Variants in SEMA3C observed in about 807,000 individuals in gnomAD.
SEMA3C encodes the protein semaphorin 3C, also known as semaphorin-3C.
A neutral mutation model predicts 89.4 loss-of-function variants in SEMA3C; 47 were observed. The observed-to-expected ratio is 0.53, with a 90% CI of 0.42 to 0.67. The LOEUF (loss-of-function observed/expected upper bound fraction) is 0.67. SEMA3C is among the 30% of genes least tolerant of loss of function. SEMA3C has a pLI of 0.00. For missense variants in SEMA3C, 839 were observed against 929.1 expected, an observed-to-expected ratio of 0.90 and a Z score of 1.26; for synonymous variants, 310 against 320.2, an observed-to-expected ratio of 0.97 and a Z score of 0.34.
chr7:80,772,696 ATG>A (rs1335076726), intron 12 of SEMA3C, among the ~76,000 whole-genome samples: 3 of 150,456 alleles, frequency 2.0e-5, no homozygotes, highest in African/African-American at 7.5e-5. Flanking sequence ...TAGGTTAAAC[ATG>A]TTTTTTTTTT....
intron 2 of SEMA3C, among the ~76,000 whole-genome samples, chr7:80,876,897 T>C (rs1791215701): frequency 1.3e-5 from 2 of 152,178 alleles, no homozygotes; most frequent in Admixed American, 6.6e-5. Context: ...TTCTCTGCTC[T>C]TTCCATCACT....
intron 15 of SEMA3C, among the ~76,000 whole-genome samples, chr7:80,757,573 C>A (rs191543420): frequency 5.7e-4 from 87 of 152,244 alleles, no homozygotes; most frequent in African/African-American, 2.0e-3. Context: ...TGAACTAGAA[C>A]CAGCATTATA....
At chr7:80,827,286 A>T in intron 4 of SEMA3C, 139 bp downstream of exon 4, 1 of 780,288 alleles carries the variant, frequency 1.3e-6, no homozygotes, top group Non-Finnish European at 1.9e-6. Context: ...CTCAAGGTTT[A>T]GGTTTTTAGC....
At chr7:80,855,051 T>G (rs1436977716) in intron 2 of SEMA3C, among the ~76,000 whole-genome samples, 1 of 152,194 alleles carries the variant, frequency 6.6e-6, no homozygotes, top group Non-Finnish European at 1.5e-5. Context: ...TACAATATAA[T>G]AATCTTATAT....
chr7:80,853,779 G>A (rs1395679712), intron 2 of SEMA3C, among the ~76,000 whole-genome samples: 1 of 152,032 alleles, frequency 6.6e-6, no homozygotes, highest in East Asian at 1.9e-4. Context: ...AGACTAATTG[G>A]ACTGTCTGTA....
chr7:80,845,925 A>C (rs574618608), intron 2 of SEMA3C, among the ~76,000 whole-genome samples: 3 of 152,186 alleles, frequency 2.0e-5, no homozygotes, highest in Non-Finnish European at 4.4e-5. Context: ...AATCAATTCA[A>C]TGACTTCCTG....
intron 2 of SEMA3C, among the ~76,000 whole-genome samples, chr7:80,852,628 A>G (rs2115944752): frequency 6.6e-6 from 1 of 152,242 alleles, no homozygotes; most frequent in South Asian, 2.1e-4. Flanking sequence ...ACAACTCAAT[A>G]GGAAAATACC....
chr7:80,788,598 T>A (rs1218327640), intron 12 of SEMA3C, among the ~76,000 whole-genome samples: 1 of 152,184 alleles, frequency 6.6e-6, no homozygotes, highest in Non-Finnish European at 1.5e-5. Flanking sequence ...TGCTAGTTAT[T>A]CCCTATCATG....
chr7:80,885,135 T>C (rs1201030795), intron 2 of SEMA3C, among the ~76,000 whole-genome samples: 1 of 152,204 alleles, frequency 6.6e-6, no homozygotes, highest in African/African-American at 2.4e-5. Flanking sequence ...GTTAACTGGT[T>C]TAATAGTTTT....
chr7:80,874,576 C>T (rs995897542), intron 2 of SEMA3C, among the ~76,000 whole-genome samples: 2 of 151,872 alleles, frequency 1.3e-5, no homozygotes, highest in South Asian at 4.2e-4. Context: ...AAGCGATTCT[C>T]CTGCCTCAGC....
Position 80,810,698 on chromosome 7 carries a change from G to C in SEMA3C, c.451C>G (p.Gln151Glu), listed in dbSNP as rs759968503. 1.2e-6 allele frequency: 2 copies of C among 1,612,118 alleles called. No individual in the cohort carries two copies. Among genetic ancestry groups the C allele is most frequent in the East Asian group, 2.2e-5 (1 of 44,834 alleles). The change falls in exon 6 of 18, where the codon CAA becomes GAA. Residue 151 changes from glutamine to glutamate, a missense_variant. By Grantham distance (29) the Gln-to-Glu change is conservative. Coordinates refer to ENST00000265361, the MANE Select transcript of SEMA3C (RefSeq NM_006379.5). ...CACTTGGAGTCAATCATGAAAACTTGGTCCTTTATTGTAGATAAAATTTAA... is the reference window on the plus strand; with the variant it reads ...CACTTGGAGTCAATCATGAAAACTTCGTCCTTTATTGTAGATAAAATTTAA... ...YLNRGRRSED[Q>E]VFMIDSKCES... is the part of the protein sequence containing the mutation.
chr7:80,882,399 T>C (rs2116105399), intron 2 of SEMA3C, among the ~76,000 whole-genome samples: 1 of 150,830 alleles, frequency 6.6e-6, no homozygotes, highest in Admixed American at 6.6e-5. Flanking sequence ...CATTCTGGAA[T>C]TTGTAAGGGA....
At chr7:80,865,755 T>C (rs553663623) in intron 2 of SEMA3C, among the ~76,000 whole-genome samples, 2 of 152,168 alleles carry the variant, frequency 1.3e-5, no homozygotes, top group South Asian at 2.1e-4. Context: ...GATCGCGCCA[T>C]TGCACTCCAG....
chr7:80,848,479 T>C (rs990722239), intron 2 of SEMA3C, among the ~76,000 whole-genome samples: 3 of 151,120 alleles, frequency 2.0e-5, no homozygotes, highest in East Asian at 2.1e-4. Flanking sequence ...TGCCTACATA[T>C]GCTGGACATT....
chr7:80,784,976 G>T (rs555234238), intron 12 of SEMA3C, among the ~76,000 whole-genome samples: 14 of 152,152 alleles, frequency 9.2e-5, no homozygotes, highest in African/African-American at 3.4e-4. Context: ...AGAAATAAAA[G>T]GTCAGAGGAC....
chr7:80,859,550 C>T (rs950469783), intron 2 of SEMA3C, among the ~76,000 whole-genome samples: 1 of 152,104 alleles, frequency 6.6e-6, no homozygotes, highest in Non-Finnish European at 1.5e-5. Context: ...CACTTCGAGA[C>T]AACTGCATAA....
intron 6 of SEMA3C, among the ~76,000 whole-genome samples, chr7:80,807,015 G>A (rs1237999456): frequency 6.6e-6 from 1 of 151,984 alleles, no homozygotes; most frequent in Non-Finnish European, 1.5e-5. Context: ...TTCCTAGTAG[G>A]GGTTCTAGGC....
chr7:80,811,556 A>G (rs1164381277), intron 5 of SEMA3C, among the ~76,000 whole-genome samples: 1 of 152,104 alleles, frequency 6.6e-6, no homozygotes, highest in Non-Finnish European at 1.5e-5. Context: ...CAAAGTAAAA[A>G]AAAAATGACC....
At chr7:80,878,692 A>AT (rs1160102953) in intron 2 of SEMA3C, among the ~76,000 whole-genome samples, 2 of 152,052 alleles carry the variant, frequency 1.3e-5, no homozygotes, top group African/African-American at 4.8e-5. Context: ...CTAATACAAT[A>AT]TTTTTCTTGC....
Sources: gnomAD v4.1 joint callset for allele counts (sites outside exome capture counted in the v4.1 genomes callset) on GRCh38, gnomAD v4.1.1 for gene constraint, MANE v1.5 for transcripts, NCBI Gene and HGNC (gene_info 2026-07-23, HGNC 2026-07-21) for gene names.